Variants in KCNK10 observed in about 807,000 individuals in gnomAD.
KCNK10 encodes the protein potassium channel subfamily K member 10.
Under a neutral mutation model 47.7 loss-of-function variants are expected in KCNK10, and 25 were observed. The observed-to-expected ratio is 0.52, with a 90% CI of 0.38 to 0.73. KCNK10 has a LOEUF of 0.73. Ranked by LOEUF, KCNK10 falls within the 30% of genes least tolerant of loss-of-function variation. KCNK10 has a pLI of 0.00. For synonymous variants in KCNK10, 303 were observed against 285.6 expected, an observed-to-expected ratio of 1.06 and a Z score of -0.61; for missense variants, 563 against 714.5, an observed-to-expected ratio of 0.79 and a Z score of 2.42.
At chr14:88,245,471 C>T (rs534092052) in intron 2 of KCNK10, among the ~76,000 whole-genome samples, 3 of 152,272 alleles carry the variant, frequency 2.0e-5, no homozygotes, top group African/African-American at 7.2e-5. Flanking sequence ...GGACCCCCCA[C>T]CACGTTTTCC....
intron 4 of KCNK10, among the ~76,000 whole-genome samples, chr14:88,202,608 C>T (rs1885136358): frequency 6.6e-6 from 1 of 152,240 alleles, no homozygotes; most frequent in Non-Finnish European, 1.5e-5. Flanking sequence ...CGCCACTCCC[C>T]AGACCATTCT....
Position 88,204,258 on chromosome 14 carries a change from G to A in KCNK10, c.682-11848C>T, listed in dbSNP as rs1031042537. On this transcript the variant is annotated intron_variant, in intron 4 of 6. Coordinates refer to ENST00000319231, the MANE Select transcript of KCNK10 (RefSeq NM_138317.3). ...GGTTCCCTCGAGAAATAACAGCACT[G>A]TGCCCTTGAAAATCATTCACTTGGT... Among the ~76,000 whole-genome samples the A allele has an allele frequency of 3.3e-5, 5 of 152,304 alleles. No homozygotes were observed. In the East Asian group the frequency reaches 9.7e-4, roughly 29 times the overall value.
At position 88,322,759 on chromosome 14, in the gene KCNK10, A is replaced by T. The variant is rs766951340; in HGVS notation, c.40T>A (p.Trp14Arg). Residue 14 changes from tryptophan to arginine, a missense_variant, in exon 1 of 7, where the codon TGG (tryptophan) becomes AGG (arginine). Physicochemically the swap from Trp to Arg is moderately radical, Grantham distance 101. Coordinates refer to ENST00000319231, the MANE Select transcript of KCNK10 (RefSeq NM_138317.3). This position sits in a 1 kb window ranked among gnomAD's most constrained non-coding sequence, Gnocchi z 4.8. ...PIETPRKQVN[W>R]DPKVAVPAAA... ...AGGAAACACCCACCTTTAGGATCCCAGTTCACCTGTTTTCTTGGCGTCTCG... is the reference window on the plus strand; with the variant it reads ...AGGAAACACCCACCTTTAGGATCCCTGTTCACCTGTTTTCTTGGCGTCTCG... 1 of 1,614,188 alleles carries T rather than the reference A, an allele frequency of 6.2e-7. No individual in the cohort carries two copies. Among genetic ancestry groups the T allele is most frequent in the Admixed American group, 1.7e-5 (1 of 60,034 alleles).
chr14:88,312,469 A>C (rs1362115246), intron 1 of KCNK10, among the ~76,000 whole-genome samples: 1 of 152,188 alleles, frequency 6.6e-6, no homozygotes, highest in Non-Finnish European at 1.5e-5. Flanking sequence ...ATACAGACAC[A>C]TGGCCTGCAG....
At chr14:88,291,969 G>A (rs1386209637) in intron 1 of KCNK10, among the ~76,000 whole-genome samples, 2 of 152,208 alleles carry the variant, frequency 1.3e-5, no homozygotes, top group Non-Finnish European at 2.9e-5. Flanking sequence ...ACTCAAGGCA[G>A]AAGCTGAGAG....
chr14:88,187,403 A>C (rs954045138), intron 6 of KCNK10, among the ~76,000 whole-genome samples: 4 of 151,416 alleles, frequency 2.6e-5, no homozygotes, highest in African/African-American at 9.7e-5. Context: ...GTCTTCCTTT[A>C]CTTCCCTTCA....
At chr14:88,225,373 G>C (rs1487110505) in intron 4 of KCNK10, among the ~76,000 whole-genome samples, 2 of 152,158 alleles carry the variant, frequency 1.3e-5, no homozygotes, top group African/African-American at 2.4e-5. Context: ...TGATGGTGCT[G>C]CAAGGAGCTG....
chr14:88,325,493 A>G (rs996454777), upstream of KCNK10, among the ~76,000 whole-genome samples: 1 of 152,180 alleles, frequency 6.6e-6, no homozygotes, highest in Non-Finnish European at 1.5e-5. Context: ...CAAGGCTCAG[A>G]GAGATAAAGA....
intron 1 of KCNK10, among the ~76,000 whole-genome samples, chr14:88,291,308 G>A (rs569443201): frequency 2.6e-5 from 4 of 152,208 alleles, no homozygotes; most frequent in South Asian, 2.1e-4. Flanking sequence ...CAAAGAGAGG[G>A]TTTCTCTGTT....
At chr14:88,245,767 A>G (rs755741288) in intron 2 of KCNK10, among the ~76,000 whole-genome samples, 5 of 152,212 alleles carry the variant, frequency 3.3e-5, no homozygotes, top group Non-Finnish European at 7.3e-5. Flanking sequence ...TTATGCATGG[A>G]CGCTAATAGC....
chr14:88,259,454 A>T (rs191403228), intron 2 of KCNK10, among the ~76,000 whole-genome samples: 2 of 152,280 alleles, frequency 1.3e-5, no homozygotes, highest in African/African-American at 4.8e-5. Context: ...GGCAGCCAGG[A>T]ACTCTAATGA....
At chr14:88,201,863 A>G (rs1289805348) in intron 4 of KCNK10, among the ~76,000 whole-genome samples, 3 of 152,214 alleles carry the variant, frequency 2.0e-5, no homozygotes, top group African/African-American at 7.2e-5. Flanking sequence ...AGCTATGCAA[A>G]TGAAAGCAGA....
chr14:88,283,214 C>T (rs990411285), intron 1 of KCNK10, among the ~76,000 whole-genome samples: 1 of 152,184 alleles, frequency 6.6e-6, no homozygotes, highest in African/African-American at 2.4e-5. Context: ...GATATGATCA[C>T]TCTTTCTGGG....
intron 2 of KCNK10, among the ~76,000 whole-genome samples, chr14:88,249,935 A>T (rs945879419): frequency 2.0e-5 from 3 of 152,180 alleles, no homozygotes; most frequent in African/African-American, 7.2e-5. Flanking sequence ...TATTAGTTAT[A>T]TAAATGAATA....
intron 1 of KCNK10, among the ~76,000 whole-genome samples, chr14:88,299,434 A>G (rs1353639928): frequency 6.6e-6 from 1 of 152,204 alleles, no homozygotes; most frequent in South Asian, 2.1e-4. Context: ...ACTGCATCAT[A>G]TGTTCATCTC....
At position 88,240,834 on chromosome 14, in the gene KCNK10, GA is replaced by G; in HGVS notation, c.403-15del. On this transcript the variant is annotated splice_polypyrimidine_tract_variant and intron_variant, in intron 2 of 6. Coordinates refer to ENST00000319231, the MANE Select transcript of KCNK10 (RefSeq NM_138317.3). ...ATCAAGAGCATGCTGCAAAGAAAGG[GA>G]AAAAGCATAAGACTCAGTTTAAAAG... The G allele has an allele frequency of 2.7e-6, 4 of 1,505,864 alleles. No homozygotes were observed. Among genetic ancestry groups the G allele is most frequent in the Non-Finnish European group, 2.8e-6 (3 of 1,086,896 alleles). The allele number at this position is 1,505,864 out of a possible 1,614,324, so 93.3% of individuals were successfully genotyped here.
rs1287515710 is a variant in KCNK10, at chr14:88,184,747, T to C, written c.*788A>G. ...TGCACCCACTGAGGAAAATGCATGA[T>C]TGGCCTTTAACCACGCAGCAGTTGA... is the stretch of plus-strand genomic sequence containing the variant. On this transcript the variant is annotated 3_prime_UTR_variant, in exon 7 of 7. Transcript: ENST00000319231. 7 of 152,350 alleles carry C rather than the reference T, an allele frequency of 4.6e-5. No homozygotes were observed. The highest frequency in any genetic ancestry group is 3.7e-4 in the East Asian group (2 of 5,338). The allele number at this position is 152,350 out of a possible 1,614,324, so 9.4% of individuals were successfully genotyped here.
chr14:88,241,065 T>C (rs1341853098), intron 2 of KCNK10, among the ~76,000 whole-genome samples: 1 of 152,184 alleles, frequency 6.6e-6, no homozygotes, highest in Non-Finnish European at 1.5e-5. Flanking sequence ...GTGACATTTA[T>C]AGAAAGCTTG....
At chr14:88,203,475 T>C (rs1157520720) in intron 4 of KCNK10, among the ~76,000 whole-genome samples, 4 of 152,234 alleles carry the variant, frequency 2.6e-5, no homozygotes, top group Non-Finnish European at 5.9e-5. Flanking sequence ...ACAGCTCAAT[T>C]GGACACCCTG....
Sources: gnomAD v4.1 joint callset for allele counts (sites outside exome capture counted in the v4.1 genomes callset) on GRCh38, gnomAD v4.1.1 for gene constraint, Gnocchi (gnomAD v3.1) non-coding constraint, MANE v1.5 for transcripts, NCBI Gene and HGNC (gene_info 2026-07-23, HGNC 2026-07-21) for gene names.